OCLN: variants seen among roughly 807,000 people sequenced by gnomAD.
OCLN encodes the protein occludin.
In OCLN, 21 loss-of-function variants were observed where a neutral mutation model predicts 47.9. That is an observed-to-expected ratio of 0.44 (90% CI 0.31 to 0.63). The LOEUF is 0.63. OCLN is among the 30% of genes least tolerant of loss of function. The probability of loss-of-function intolerance (pLI) is 0.08; values close to 1 mark genes in which losing one functional copy is unlikely to be tolerated. For synonymous variants in OCLN, 117 were observed against 198.4 expected, an observed-to-expected ratio of 0.59 and a Z score of 3.45; for missense variants, 360 against 571.0, an observed-to-expected ratio of 0.63 and a Z score of 3.77.
intron 4 of OCLN, among the ~76,000 whole-genome samples, chr5:69,528,046 T>A (rs1769329451): frequency 6.6e-6 from 1 of 152,112 alleles, no homozygotes; most frequent in South Asian, 2.1e-4. Context: ...TGGTCCACGA[T>A]CTCATTATTT....
At chr5:69,538,042 T>TA (rs1769637726) in intron 5 of OCLN, among the ~76,000 whole-genome samples, 10 of 131,610 alleles carry the variant, frequency 7.6e-5, no homozygotes, top group South Asian at 5.3e-4. Context: ...AGGAATCTAA[T>TA]AAAAAATATA....
chr5:69,519,113 G>T (rs1019753685), intron 4 of OCLN, among the ~76,000 whole-genome samples: 1 of 152,092 alleles, frequency 6.6e-6, no homozygotes, highest in African/African-American at 2.4e-5. Context: ...ACTCCAGCCT[G>T]GGTGACAGAG....
intron 7 of OCLN, among the ~76,000 whole-genome samples, chr5:69,550,483 T>A (rs1466636674): frequency 6.6e-6 from 1 of 151,600 alleles, no homozygotes; most frequent in Non-Finnish European, 1.5e-5. Flanking sequence ...TGAGCCACAG[T>A]GCCCAGCCTG....
At position 69,554,552 on chromosome 5, in the gene OCLN, T is replaced by C. The variant is rs1769920207; in HGVS notation, c.*881T>C. ...TACATATTTTATAAGGTATTAAACC[T>C]GGTGTTTTCTTTCCATAATAACCTG... is the stretch of plus-strand genomic sequence containing the variant. On this transcript the variant is annotated 3_prime_UTR_variant, in exon 9 of 9. Transcript: ENST00000396442. 1 of 152,020 alleles carries C rather than the reference T, an allele frequency of 6.6e-6. No homozygotes were observed. The highest frequency in any genetic ancestry group is 1.9e-4 in the East Asian group (1 of 5,192). 9.4% of individuals were successfully genotyped at this position (152,020 alleles called of 1,614,324 possible). A position where few individuals can be genotyped will look rare whatever the true frequency, so the allele number is the denominator to read the frequency against.
chr5:69,507,562 C>T (rs1427009681), intron 2 of OCLN, among the ~76,000 whole-genome samples: 2 of 151,936 alleles, frequency 1.3e-5, no homozygotes, highest in Non-Finnish European at 2.9e-5. Flanking sequence ...AGAAATATAA[C>T]ATGAGCCATA....
chr5:69,515,740 T>C (rs1234795731), intron 4 of OCLN, among the ~76,000 whole-genome samples: 29 of 143,822 alleles, frequency 2.0e-4, no homozygotes, highest in Non-Finnish European at 3.5e-4. Context: ...ACTTCTCATA[T>C]GGGGCGGTTG....
In OCLN at chr5:69,534,819, G is replaced by A; in HGVS notation, c.1017G>A (p.Glu339=). The change falls in exon 5 of 9, where the codon GAG becomes GAA. Residue 339 remains glutamate (E), a synonymous_variant. Transcript: ENST00000396442. ...TGAATGACAAGCGGTTTTATCCAGA[G>A]TCTTCCTATAAATCCACGCCGTAAG... ...GKVNDKRFYP[E]SSYKSTPVPE... is the part of the protein sequence containing the mutation. 1 of 1,399,518 alleles carries A rather than the reference G, an allele frequency of 7.1e-7. No homozygotes were observed. Among genetic ancestry groups the A allele is most frequent in the Non-Finnish European group, 9.9e-7 (1 of 1,013,346 alleles). 86.7% of individuals were successfully genotyped at this position (1,399,518 alleles called of 1,614,324 possible).
chr5:69,549,319 T>C (rs1769794317), intron 7 of OCLN, among the ~76,000 whole-genome samples: 1 of 90,146 alleles, frequency 1.1e-5, no homozygotes, highest in Non-Finnish European at 2.0e-5. Flanking sequence ...CCAGCCTGAG[T>C]GACAGAGTGA....
chr5:69,517,315 T>TA (rs1491473385), intron 4 of OCLN, among the ~76,000 whole-genome samples: 456 of 30,426 alleles, frequency 0.015, 1 homozygote, highest in East Asian at 0.062. Flanking sequence ...TATATATATA[T>TA]TTTTTTTTTT....
In OCLN at chr5:69,554,672, G is replaced by C. The variant is rs954395901; in HGVS notation, c.*1001G>C. On this transcript the variant is annotated 3_prime_UTR_variant, in exon 9 of 9. Transcript: ENST00000396442. ...TTATACTCCTTTGGATGCTGTGCTG[G>C]TTAGTCGTTTCCCATTCCTTTGGCT... 11 of 151,920 alleles carry C rather than the reference G, an allele frequency of 7.2e-5. No individual in the cohort carries two copies. Among genetic ancestry groups the C allele is most frequent in the Admixed American group, 2.0e-4 (3 of 15,222 alleles). 9.4% of individuals were successfully genotyped at this position (151,920 alleles called of 1,614,324 possible).
intron 4 of OCLN, among the ~76,000 whole-genome samples, chr5:69,527,428 C>T (rs1769312764): frequency 1.3e-5 from 2 of 152,198 alleles, no homozygotes; most frequent in South Asian, 4.1e-4. Context: ...GCTTGTGGAA[C>T]AGGGGTCAGT....
rs533577321 is a variant in OCLN, at chr5:69,516,347, A to G, written c.891+2238A>G. Among the ~76,000 whole-genome samples the G allele has an allele frequency of 2.0e-5, 3 of 152,244 alleles. No homozygotes were observed. The South Asian group carries it at 6.2e-4, about 32-fold the overall frequency. On this transcript the variant is annotated intron_variant, in intron 4 of 8. Coordinates refer to ENST00000396442, the MANE Select transcript of OCLN (RefSeq NM_001205254.2). The stretch of plus-strand genomic sequence containing the variant: ...CCGTCTCCACCAAAAAAATAAGAAA[A>G]CCAGTCAGGCGTGGTGGCGCGCGCC...
At chr5:69,518,775 C>T (rs1487145655) in intron 4 of OCLN, among the ~76,000 whole-genome samples, 3 of 152,118 alleles carry the variant, frequency 2.0e-5, no homozygotes, top group Non-Finnish European at 2.9e-5. Context: ...ACTACTTGCA[C>T]TAAAGGAGAA....
intron 4 of OCLN, among the ~76,000 whole-genome samples, chr5:69,520,833 T>C (rs1484997599): frequency 1.3e-5 from 2 of 152,092 alleles, no homozygotes; most frequent in Non-Finnish European, 2.9e-5. Flanking sequence ...TGTAATGTTG[T>C]TACTTTTAAT....
intron 4 of OCLN, among the ~76,000 whole-genome samples, chr5:69,518,399 C>G (rs1174003720): frequency 1.3e-5 from 2 of 152,172 alleles, no homozygotes; most frequent in African/African-American, 4.8e-5. Flanking sequence ...TTTCCTCTGC[C>G]CTTCAGTTTT....
chr5:69,494,822 TG>T (rs1234845021), intron 1 of OCLN, among the ~76,000 whole-genome samples: 1 of 152,186 alleles, frequency 6.6e-6, no homozygotes, highest in Non-Finnish European at 1.5e-5. Flanking sequence ...ATTTTAAAAG[TG>T]GGCAAATGCC....
At position 69,493,339 on chromosome 5, in the gene OCLN, C is replaced by T. The variant is rs543328553; in HGVS notation, c.-69+439C>T. 8.5e-5 allele frequency among the ~76,000 whole-genome samples: 13 copies of T among 152,138 alleles called. No individual in the cohort carries two copies. The highest frequency in any genetic ancestry group is 6.5e-4 in the Admixed American group (10 of 15,286). On this transcript the variant is annotated intron_variant, in intron 1 of 8. Coordinates refer to ENST00000396442, the MANE Select transcript of OCLN (RefSeq NM_001205254.2). The surrounding 1 kb of genome is among the most constrained non-coding windows in gnomAD (Gnocchi z 5.3). ...TCCTAAGCCTGAGGCTGCAGCGAGG[C>T]GGCTGTTCGGCGGCCCGGGCGGCTT... is the stretch of plus-strand genomic sequence containing the variant.
At chr5:69,511,408 T>C (rs2111982135) in intron 3 of OCLN, among the ~76,000 whole-genome samples, 1 of 151,982 alleles carries the variant, frequency 6.6e-6, no homozygotes, top group South Asian at 2.1e-4. Context: ...TTAATTGGGC[T>C]ATTTTTGTTG....
intron 4 of OCLN, among the ~76,000 whole-genome samples, chr5:69,533,013 G>GTGCA (rs1554055335): frequency 8.1e-6 from 1 of 122,870 alleles, no homozygotes; most frequent in Non-Finnish European, 1.9e-5. Context: ...GTGTGTGTGT[G>GTGCA]TGTGTGTGTG....
Sources: allele counts gnomAD v4.1 joint callset (sites outside exome capture counted in the v4.1 genomes callset), GRCh38; gene constraint gnomAD v4.1.1; non-coding constraint Gnocchi (gnomAD v3.1); transcripts MANE v1.5; gene names NCBI Gene and HGNC (gene_info 2026-07-23, HGNC 2026-07-21).